The following RASEF variants were observed in gnomAD, a reference collection of about 807,000 sequenced individuals.
RASEF encodes the protein RAS and EF-hand domain containing.
A neutral mutation model predicts 90.1 loss-of-function variants in RASEF; 68 were observed. The observed-to-expected ratio is 0.75, with a 90% CI of 0.62 to 0.92. RASEF has a LOEUF of 0.92. Ranked by LOEUF, RASEF falls within the 40% of genes least tolerant of loss-of-function variation. The pLI is 0.00. For missense variants in RASEF, 949 were observed against 937.2 expected (o/e 1.01, Z -0.16); for synonymous variants, 331 against 345.2 (o/e 0.96, Z 0.46).
the RASEF span, among the ~76,000 whole-genome samples, chr9:83,095,304 T>G: frequency 6.6e-6 from 1 of 151,866 alleles, no homozygotes. Flanking sequence ...TTGGCTCAAG[T>G]GAAGCATCAC....
chr9:83,202,851 A>G, the RASEF span, among the ~76,000 whole-genome samples: 91 of 152,198 alleles, frequency 6.0e-4, no homozygotes, highest in African/African-American at 1.9e-3. Flanking sequence ...GGCACTACAT[A>G]TGTTAAATAG....
Position 83,025,858 on chromosome 9 carries a change from T to C in RASEF, c.495A>G (p.Pro165=). ...INLVEPRLIQ[P]YEHVIKNFIR... ...TGAAGTTCTTTATAACATGTTCATATGGCTGAATTAATCTTGGCTCCACAA... is the reference window on the plus strand; with the variant it reads ...TGAAGTTCTTTATAACATGTTCATACGGCTGAATTAATCTTGGCTCCACAA... The change falls in exon 2 of 17, where the codon CCA becomes CCG. Residue 165 remains proline, a synonymous_variant. Coordinates refer to ENST00000376447, the MANE Select transcript of RASEF (RefSeq NM_152573.4). The C allele has an allele frequency of 1.9e-6, 3 of 1,614,020 alleles. No homozygotes were observed. The highest frequency in any genetic ancestry group is 4.5e-5 in the East Asian group (2 of 44,878).
chr9:83,003,901 T>C (rs186942994), intron 9 of RASEF, among the ~76,000 whole-genome samples: 1 of 152,304 alleles, frequency 6.6e-6, no homozygotes, highest in Non-Finnish European at 1.5e-5. Flanking sequence ...AACATACACA[T>C]ACACTCATGT....
In RASEF at chr9:83,004,454, T is replaced by A. The variant is rs370445093; in HGVS notation, c.1202+44A>T. On this transcript the variant is annotated intron_variant, in intron 9 of 16. Coordinates refer to ENST00000376447, the MANE Select transcript of RASEF (RefSeq NM_152573.4). ...CAAGGAAATTTACTTTCCTTTTAAC[T>A]GTGATTCTGAACTTGAACAGAAAGT... The A allele has an allele frequency of 6.0e-5, 72 of 1,195,540 alleles. 1 individual carries two copies. Among genetic ancestry groups the A allele is most frequent in the Admixed American group, 1.0e-4 (6 of 58,726 alleles). The allele number at this position is 1,195,540 out of a possible 1,614,324, so 74.1% of individuals were successfully genotyped here.
chr9:83,158,349 T>C, the RASEF span, among the ~76,000 whole-genome samples: 2 of 152,020 alleles, frequency 1.3e-5, no homozygotes, highest in Non-Finnish European at 2.9e-5. Flanking sequence ...GAAATAATAG[T>C]ACAAATACAA....
the RASEF span, among the ~76,000 whole-genome samples, chr9:83,133,130 AAGAG>A: frequency 2.4e-3 from 368 of 152,298 alleles, 3 homozygotes; most frequent in African/African-American, 8.7e-3. Flanking sequence ...GAAAAAAAGA[AAGAG>A]AGAGAGATTT....
the RASEF span, among the ~76,000 whole-genome samples, chr9:83,181,303 G>A: frequency 6.6e-6 from 1 of 151,998 alleles, no homozygotes; most frequent in African/African-American, 2.4e-5. Flanking sequence ...ATTGTTTTGT[G>A]TGATTTCAGG....
the RASEF span, among the ~76,000 whole-genome samples, chr9:83,069,137 A>G: frequency 6.6e-6 from 1 of 152,236 alleles, no homozygotes; most frequent in African/African-American, 2.4e-5. Flanking sequence ...CGTTTCGACC[A>G]CTGTTACTGA....
the RASEF span, among the ~76,000 whole-genome samples, chr9:83,218,596 A>G: frequency 6.6e-6 from 1 of 152,120 alleles, no homozygotes; most frequent in Admixed American, 6.5e-5. Context: ...CCCAGGCCTC[A>G]GGGTTGTCAA....
intron 1 of RASEF, among the ~76,000 whole-genome samples, chr9:83,038,035 A>C (rs183088777): frequency 7.0e-4 from 106 of 152,210 alleles, no homozygotes; most frequent in Non-Finnish European, 9.9e-4. Context: ...GGGTCTTCCT[A>C]TCTTGATTAA....
the RASEF span, among the ~76,000 whole-genome samples, chr9:83,127,271 G>A: frequency 1.3e-5 from 2 of 152,180 alleles, no homozygotes; most frequent in Non-Finnish European, 2.9e-5. Context: ...CAAGTCACAA[G>A]TTTTGCTAAT....
chr9:83,002,357 C>G (rs1238664019), intron 9 of RASEF, among the ~76,000 whole-genome samples: 1 of 152,078 alleles, frequency 6.6e-6, no homozygotes, highest in Non-Finnish European at 1.5e-5. Context: ...CTTTCTCTCT[C>G]TCAATACTGC....
the RASEF span, among the ~76,000 whole-genome samples, chr9:83,162,022 C>T: frequency 6.6e-6 from 1 of 151,986 alleles, no homozygotes; most frequent in Non-Finnish European, 1.5e-5. Flanking sequence ...TCTTTATCAA[C>T]AGCATGGAAA....
At chr9:83,190,309 C>A in the RASEF span, among the ~76,000 whole-genome samples, 2 of 152,076 alleles carry the variant, frequency 1.3e-5, no homozygotes, top group African/African-American at 2.4e-5. Flanking sequence ...AGGGAAAGTA[C>A]ACTATATGAT....
chr9:83,210,132 A>C, the RASEF span, among the ~76,000 whole-genome samples: 1 of 152,216 alleles, frequency 6.6e-6, no homozygotes, highest in African/African-American at 2.4e-5. Flanking sequence ...TAGAAGGCAA[A>C]GGAGTGATTA....
At chr9:83,199,855 C>T in the RASEF span, among the ~76,000 whole-genome samples, 1 of 152,130 alleles carries the variant, frequency 6.6e-6, no homozygotes, top group Non-Finnish European at 1.5e-5. Flanking sequence ...GGACCTGGAA[C>T]TGGACTAGGA....
chr9:83,097,396 G>T, the RASEF span, among the ~76,000 whole-genome samples: 3 of 152,160 alleles, frequency 2.0e-5, no homozygotes, highest in Non-Finnish European at 4.4e-5. Context: ...AGCCAAAATT[G>T]ACAAATGGGA....
At chr9:83,080,865 T>C in the RASEF span, among the ~76,000 whole-genome samples, 1 of 152,190 alleles carries the variant, frequency 6.6e-6, no homozygotes, top group African/African-American at 2.4e-5. Flanking sequence ...AACTGAGTAA[T>C]ACTAAGTAGT....
intron 16 of RASEF, among the ~76,000 whole-genome samples, chr9:82,985,347 C>T (rs1209200749): frequency 1.3e-5 from 2 of 152,132 alleles, no homozygotes; most frequent in African/African-American, 4.8e-5. Flanking sequence ...CATCAGATCT[C>T]GTGAGACTTA....
Sources: gnomAD v4.1 joint callset for allele counts (sites outside exome capture counted in the v4.1 genomes callset) on GRCh38, gnomAD v4.1.1 for gene constraint, MANE v1.5 for transcripts, NCBI Gene and HGNC (gene_info 2026-07-23, HGNC 2026-07-21) for gene names.